The following SEL1L3 variants were observed in gnomAD, a reference collection of about 807,000 sequenced individuals.
SEL1L3 encodes protein sel-1 homolog 3.
SEL1L3 carries 76 observed loss-of-function variants against 142.8 expected under a neutral mutation model. The observed-to-expected ratio is 0.53, with a 90% CI of 0.44 to 0.64. SEL1L3 has a LOEUF of 0.64. Among genes scored for constraint, SEL1L3 ranks in the 30% least tolerant of loss-of-function variants. The pLI, the probability that SEL1L3 is intolerant of heterozygous loss-of-function variation, is 0.00. For synonymous variants in SEL1L3, 504 were observed against 519.6 expected (o/e 0.97, Z 0.41); for missense variants, 1,262 against 1,381.7 (o/e 0.91, Z 1.37).
chr4:25,791,182 G>A lies in SEL1L3; in HGVS notation c.1957-608C>T, dbSNP rs567612684. 1.4e-4 allele frequency among the ~76,000 whole-genome samples: 22 copies of A among 152,260 alleles called. No homozygotes were observed. The East Asian group carries it at 2.9e-3, about 20-fold the overall frequency. On this transcript the variant is annotated intron_variant, in intron 11 of 23. Coordinates refer to ENST00000399878, the MANE Select transcript of SEL1L3 (RefSeq NM_015187.5). ...GTATAACCTTATTTTTGATTCTAACGTATTACTATCCTGCATGACTAACCT... is the reference window on the plus strand; with the variant it reads ...GTATAACCTTATTTTTGATTCTAACATATTACTATCCTGCATGACTAACCT...
chr4:25,720,488 TG>T, the SEL1L3 span: 10 of 152,176 alleles, frequency 6.6e-5, no homozygotes, highest in African/African-American at 2.2e-4. Context: ...TGGAAGTCAA[TG>T]GTACTGTTTA....
intron 11 of SEL1L3, among the ~76,000 whole-genome samples, chr4:25,796,332 C>T (rs535159226): frequency 4.6e-5 from 7 of 152,086 alleles, no homozygotes; most frequent in Non-Finnish European, 8.8e-5. Context: ...CAGTGGCTCA[C>T]GCCTGTAATC....
At position 25,847,689 on chromosome 4, in the gene SEL1L3, A is replaced by T; in HGVS notation, c.338T>A (p.Leu113Ter). Residue 113 changes from leucine (L) to a stop codon, truncating the protein, a stop_gained, in exon 2 of 24, where the codon TTG becomes TAG. Transcript: ENST00000399878. LOFTEE classifies it high-confidence loss of function. Reference sequence around the variant, plus strand: ...GAACTCAGATGAAACAACTGCTTCCAAATTGACAACACAAGGCTGAGAGCA... The same window carrying T: ...GAACTCAGATGAAACAACTGCTTCCTAATTGACAACACAAGGCTGAGAGCA... ...YLCSQPCVVN[L>*]EAVVSSEFRS... The T allele has an allele frequency of 6.2e-7, 1 of 1,614,014 alleles. No individual in the cohort carries two copies. Among genetic ancestry groups the T allele is most frequent in the Non-Finnish European group, 8.5e-7 (1 of 1,179,884 alleles).
intron 10 of SEL1L3, among the ~76,000 whole-genome samples, chr4:25,803,511 G>C (rs114183908): frequency 1.3e-5 from 2 of 152,330 alleles, no homozygotes; most frequent in East Asian, 3.9e-4. Context: ...TTATTGCGAT[G>C]GTTCATTTGG....
At chr4:25,831,809 G>A (rs564185099) in intron 5 of SEL1L3, among the ~76,000 whole-genome samples, 85 of 152,064 alleles carry the variant, frequency 5.6e-4, no homozygotes, top group African/African-American at 1.9e-3. Context: ...ATGAGCCACC[G>A]CACCCAGCTA....
chr4:25,851,011 C>T (rs770690735), intron 1 of SEL1L3, among the ~76,000 whole-genome samples: 44 of 151,984 alleles, frequency 2.9e-4, no homozygotes, highest in Non-Finnish European at 4.6e-4. Context: ...CCACCACACC[C>T]GGCTGATTTT....
intron 15 of SEL1L3, among the ~76,000 whole-genome samples, chr4:25,781,466 C>T (rs1719995947): frequency 6.6e-6 from 1 of 152,146 alleles, no homozygotes; most frequent in Non-Finnish European, 1.5e-5. Flanking sequence ...GGCAAAACCT[C>T]ATCTCTACTA....
intron 1 of SEL1L3, among the ~76,000 whole-genome samples, chr4:25,858,259 A>C (rs1717399391): frequency 6.6e-6 from 1 of 152,184 alleles, no homozygotes; most frequent in Non-Finnish European, 1.5e-5. Flanking sequence ...AAATTTTAGG[A>C]GCTCCAGTCA....
intron 20 of SEL1L3, among the ~76,000 whole-genome samples, chr4:25,764,930 T>C (rs1041538784): frequency 6.6e-6 from 1 of 152,146 alleles, no homozygotes; most frequent in Non-Finnish European, 1.5e-5. Flanking sequence ...CTGTGTAGTG[T>C]ATACACACTG....
intron 2 of SEL1L3, among the ~76,000 whole-genome samples, chr4:25,841,671 C>A (rs771833193): frequency 6.6e-6 from 1 of 152,114 alleles, no homozygotes; most frequent in East Asian, 1.9e-4. Context: ...TAAATAACAG[C>A]GGGCCAGGCG....
At chr4:25,746,507 A>AAT (rs141668402), downstream of SEL1L3, among the ~76,000 whole-genome samples, 1,221 of 101,540 alleles carry the variant, frequency 0.012, 91 homozygotes, top group African/African-American at 0.038. Flanking sequence ...ATATTATCTA[A>AAT]ATATATATAT....
At chr4:25,802,104 C>A (rs1713222003) in intron 11 of SEL1L3, among the ~76,000 whole-genome samples, 179 bp downstream of exon 11, 1 of 152,202 alleles carries the variant, frequency 6.6e-6, no homozygotes, top group South Asian at 2.1e-4. Flanking sequence ...GCTGCCCCTG[C>A]ATTCAGCCTG....
chr4:25,776,362 T>TA lies in SEL1L3; in HGVS notation c.2586-3_2586-2insT. The TA allele has an allele frequency of 6.2e-7, 1 of 1,603,482 alleles. No homozygotes were observed. The highest frequency in any genetic ancestry group is 1.3e-5 in the African/African-American group (1 of 74,254). On this transcript the variant is annotated splice_region_variant and splice_polypyrimidine_tract_variant and intron_variant, in intron 16 of 23. Coordinates refer to ENST00000399878, the MANE Select transcript of SEL1L3 (RefSeq NM_015187.5). The stretch of plus-strand genomic sequence containing the variant: ...TTCTCAGCTACATGTTTTGCCCATC[T>TA]GAAAAAAAAAAGGGAAGAGAAAATA...
chr4:25,821,262 A>G (rs1714732637), intron 7 of SEL1L3, among the ~76,000 whole-genome samples: 1 of 152,170 alleles, frequency 6.6e-6, no homozygotes, highest in South Asian at 2.1e-4. Flanking sequence ...GACTTTGCCT[A>G]GTGACCCCTG....
At chr4:25,798,089 T>C (rs947481618) in intron 11 of SEL1L3, among the ~76,000 whole-genome samples, 3 of 152,120 alleles carry the variant, frequency 2.0e-5, no homozygotes, top group African/African-American at 7.2e-5. Context: ...AGTTTGGTGT[T>C]GCGAGTTTGG....
intron 9 of SEL1L3, among the ~76,000 whole-genome samples, chr4:25,817,742 TTTC>T (rs1191361252): frequency 2.0e-5 from 3 of 152,106 alleles, no homozygotes; most frequent in Admixed American, 6.5e-5. Flanking sequence ...TCTTTGTTTT[TTTC>T]TTCTTTTTTT....
intron 13 of SEL1L3, among the ~76,000 whole-genome samples, chr4:25,785,827 T>C (rs545756078): frequency 1.5e-4 from 23 of 152,288 alleles, no homozygotes; most frequent in Non-Finnish European, 2.9e-4. Flanking sequence ...CTTCTCCAAC[T>C]CTTTTTTGTT....
intron 20 of SEL1L3, chr4:25,759,879 T>C (rs1026079007): frequency 2.0e-5 from 3 of 152,208 alleles, no homozygotes; most frequent in African/African-American, 7.2e-5. Context: ...TTAAACTGGA[T>C]TGTTGCCATT....
chr4:25,767,802 C>T lies in SEL1L3; in HGVS notation c.2698G>A (p.Ala900Thr). ...WHEALLYYVL[A>T]AETGIEVSQT... ...GACACTTCAATTCCAGTTTCTGCTG[C>T]TAAAACATAATACAGCAAAGCTTCA... is the stretch of plus-strand genomic sequence containing the variant. Residue 900 changes from alanine (A) to threonine (T), a missense_variant, in exon 18 of 24, where the codon GCA (alanine) becomes ACA (threonine). Physicochemically the swap from Ala to Thr is moderately conservative, Grantham distance 58 (BLOSUM62 0). Transcript: ENST00000399878. 6.4e-7 allele frequency: 1 copy of T among 1,574,572 alleles called. No homozygotes were observed.
Sources: gnomAD v4.1 joint callset for allele counts (sites outside exome capture counted in the v4.1 genomes callset) on GRCh38, gnomAD v4.1.1 for gene constraint, MANE v1.5 for transcripts, NCBI Gene and HGNC (gene_info 2026-07-23, HGNC 2026-07-21) for gene names.